MTMR12: variants seen among roughly 807,000 people sequenced by gnomAD.
MTMR12 encodes myotubularin-related protein 12.
In MTMR12, 33 loss-of-function variants were observed where a neutral mutation model predicts 96.7. That is an observed-to-expected ratio of 0.34 (90% CI 0.26 to 0.46). The LOEUF (loss-of-function observed/expected upper bound fraction) is 0.46, where lower values mean the gene tolerates loss of function less well. Ranked by LOEUF, MTMR12 falls within the 20% of genes least tolerant of loss-of-function variation. MTMR12 has a pLI of 1.00. For synonymous variants in MTMR12, 298 were observed against 327.2 expected, an observed-to-expected ratio of 0.91 and a Z score of 0.96; for missense variants, 721 against 896.1, an observed-to-expected ratio of 0.80 and a Z score of 2.49.
chr5:32,240,369 A>G (rs1748418870), intron 12 of MTMR12, among the ~76,000 whole-genome samples: 1 of 150,312 alleles, frequency 6.7e-6, no homozygotes, highest in South Asian at 2.1e-4. Flanking sequence ...ATTGCACTCC[A>G]GCCTGGACAA....
At chr5:32,255,424 G>A (rs1000413213) in intron 8 of MTMR12, among the ~76,000 whole-genome samples, 1 of 152,168 alleles carries the variant, frequency 6.6e-6, no homozygotes, top group African/African-American at 2.4e-5. Context: ...GTGTTAAACC[G>A]GGCTTGCTTT....
At chr5:32,244,034 C>T (rs1316819628) in intron 10 of MTMR12, among the ~76,000 whole-genome samples, 1 of 152,162 alleles carries the variant, frequency 6.6e-6, no homozygotes, top group African/African-American at 2.4e-5. Flanking sequence ...ACAAGTTCGT[C>T]CACCCAGCAT....
chr5:32,290,943 T>C (rs966509750), intron 1 of MTMR12, among the ~76,000 whole-genome samples: 1 of 152,244 alleles, frequency 6.6e-6, no homozygotes, highest in South Asian at 2.1e-4. Context: ...CTGCCCATCA[T>C]GAATTGGGCA....
chr5:32,243,470 C>G (rs1293729558), intron 11 of MTMR12, 51 bp downstream of exon 11: 10 of 1,315,546 alleles, frequency 7.6e-6, no homozygotes, highest in Non-Finnish European at 1.1e-5. Flanking sequence ...GATCTACTAC[C>G]CTGAGTTATA....
chr5:32,248,583 G>A (rs1486756534), intron 9 of MTMR12, among the ~76,000 whole-genome samples, 189 bp downstream of exon 9: 1 of 152,086 alleles, frequency 6.6e-6, no homozygotes. Context: ...AAACGACGCA[G>A]GTGACACTCT....
intron 7 of MTMR12, among the ~76,000 whole-genome samples, chr5:32,260,893 T>A (rs960111289): frequency 5.9e-5 from 9 of 151,646 alleles, no homozygotes; most frequent in Non-Finnish European, 1.3e-4. Flanking sequence ...TGTTCCAAAA[T>A]GATAACATTC....
At chr5:32,281,896 T>A (rs1750309041) in intron 1 of MTMR12, among the ~76,000 whole-genome samples, 1 of 134,020 alleles carries the variant, frequency 7.5e-6, no homozygotes, top group Non-Finnish European at 1.6e-5. Context: ...CGAGACTCCG[T>A]CTCAAAAAAA....
chr5:32,255,857 G>T, intron 7 of MTMR12, 89 bp from the exon 8 acceptor site: 2 of 1,174,022 alleles, frequency 1.7e-6, no homozygotes, highest in Non-Finnish European at 1.2e-6. Flanking sequence ...ATGAATACAA[G>T]CAGAGTGTTA....
chr5:32,270,856 C>A lies in MTMR12; in HGVS notation c.450G>T (p.Gln150His). 6.2e-7 allele frequency: 1 copy of A among 1,613,852 alleles called. No individual in the cohort carries two copies. Among genetic ancestry groups the A allele is most frequent in the Non-Finnish European group, 8.5e-7 (1 of 1,179,894 alleles). Reference sequence around the variant, plus strand: ...CTTCCTTTGTGTACCTCAGACAAAACTGGAACACTCGAAGGTCTTTGCAGT... The same window carrying A: ...CTTCCTTTGTGTACCTCAGACAAAAATGGAACACTCGAAGGTCTTTGCAGT... ...IIHCKDLRVF[Q>H]FCLRYTKEEE... Residue 150 changes from glutamine (Q) to histidine (H), a missense_variant, in exon 5 of 16, where the codon CAG (glutamine) becomes CAT (histidine). By Grantham distance (24) the Gln-to-His change is conservative. Coordinates refer to ENST00000382142, the MANE Select transcript of MTMR12 (RefSeq NM_001040446.3).
intron 13 of MTMR12, among the ~76,000 whole-genome samples, chr5:32,237,476 C>T (rs1236405951): frequency 1.3e-5 from 2 of 151,998 alleles, no homozygotes; most frequent in African/African-American, 4.8e-5. Context: ...ACCACTAAGG[C>T]CCTGGTAACA....
At chr5:32,305,035 G>T (rs1052861277) in intron 1 of MTMR12, among the ~76,000 whole-genome samples, 1 of 152,160 alleles carries the variant, frequency 6.6e-6, no homozygotes, top group Non-Finnish European at 1.5e-5. Context: ...GAAATTAGCT[G>T]GGTGAGTTCT....
At position 32,276,873 on chromosome 5, in the gene MTMR12, C is replaced by CT. The variant is rs779455702; in HGVS notation, c.82-132dup. 6.5e-4 allele frequency: 80 copies of CT among 123,722 alleles called. 2 individuals carry two copies. The highest frequency in any genetic ancestry group is 8.9e-4 in the African/African-American group (14 of 15,676). The allele number at this position is 123,722 out of a possible 1,614,324, so 7.7% of individuals were successfully genotyped here. A position where few individuals can be genotyped will look rare whatever the true frequency, so the allele number is the denominator to read the frequency against. On this transcript the variant is annotated intron_variant, in intron 1 of 15. Coordinates refer to ENST00000382142, the MANE Select transcript of MTMR12 (RefSeq NM_001040446.3). ...AGCTTTTCGTTTATGTTACAAGCTA[C>CT]TTTTTTTTTTTTTTTTTTTTTTTTT... is the stretch of plus-strand genomic sequence containing the variant.
chr5:32,283,239 C>T (rs1750379090), intron 1 of MTMR12, among the ~76,000 whole-genome samples: 1 of 152,208 alleles, frequency 6.6e-6, no homozygotes, highest in Admixed American at 6.5e-5. Flanking sequence ...AATTACTACA[C>T]TGTGACCAAG....
At chr5:32,270,072 A>T (rs1749773483) in intron 5 of MTMR12, among the ~76,000 whole-genome samples, 1 of 152,220 alleles carries the variant, frequency 6.6e-6, no homozygotes, top group Non-Finnish European at 1.5e-5. Context: ...AGTATACATG[A>T]ACAGGCCTCC....
chr5:32,277,801 T>C (rs1750119134), intron 1 of MTMR12, among the ~76,000 whole-genome samples: 1 of 152,156 alleles, frequency 6.6e-6, no homozygotes, highest in African/African-American at 2.4e-5. Flanking sequence ...TGATGTGTTC[T>C]TGAAAGAATA....
chr5:32,271,737 A>AG (rs1749841408), intron 4 of MTMR12, 96 bp downstream of exon 4: 1 of 752,584 alleles, frequency 1.3e-6, no homozygotes, highest in East Asian at 3.3e-5. Flanking sequence ...ATGTGAAAAA[A>AG]TTTTTAAAAA....
At chr5:32,263,505 T>C (rs1749458834) in intron 6 of MTMR12, among the ~76,000 whole-genome samples, 1 of 151,660 alleles carries the variant, frequency 6.6e-6, no homozygotes, top group Admixed American at 6.6e-5. Context: ...TGGTGCCATC[T>C]TGGCTTACTG....
At chr5:32,270,491 T>C (rs541006209) in intron 5 of MTMR12, among the ~76,000 whole-genome samples, 2 of 152,314 alleles carry the variant, frequency 1.3e-5, no homozygotes, top group South Asian at 4.1e-4. Flanking sequence ...GGTGGGAGAA[T>C]AGGGATAAAC....
At position 32,229,678 on chromosome 5, in the gene MTMR12, G is replaced by T; in HGVS notation, c.*100C>A. The T allele has an allele frequency of 8.3e-7, 1 of 1,207,926 alleles. No individual in the cohort carries two copies. The highest frequency in any genetic ancestry group is 1.6e-5 in the African/African-American group (1 of 64,436). 74.8% of individuals were successfully genotyped at this position (1,207,926 alleles called of 1,614,324 possible). A position where few individuals can be genotyped will look rare whatever the true frequency, so the allele number is the denominator to read the frequency against. On this transcript the variant is annotated 3_prime_UTR_variant, in exon 16 of 16. Coordinates refer to ENST00000382142, the MANE Select transcript of MTMR12 (RefSeq NM_001040446.3). ...CAGGTTTATTCTAACGGAGTGCCGG[G>T]CTAAGGACCCAGCCAGCATGAGCTG...
Sources: gnomAD v4.1 joint callset for allele counts (sites outside exome capture counted in the v4.1 genomes callset) on GRCh38, gnomAD v4.1.1 for gene constraint, MANE v1.5 for transcripts, NCBI Gene and HGNC (gene_info 2026-07-23, HGNC 2026-07-21) for gene names.